Variants in ADD3 observed in about 807,000 individuals in gnomAD.
ADD3 encodes the protein adducin 3, also known as gamma-adducin.
A neutral mutation model predicts 80.2 loss-of-function variants in ADD3; 25 were observed. That is an observed-to-expected ratio of 0.31 (90% CI 0.23 to 0.44). ADD3 has a LOEUF of 0.44. Among genes scored for constraint, ADD3 ranks in the 20% least tolerant of loss-of-function variants. ADD3 has a pLI of 1.00. For synonymous variants in ADD3, 284 were observed against 289.6 expected (o/e 0.98, Z 0.20); for missense variants, 829 against 847.5 (o/e 0.98, Z 0.27).
intron 1 of ADD3, among the ~76,000 whole-genome samples, chr10:110,056,291 A>G (rs942911137): frequency 6.6e-6 from 1 of 152,166 alleles, no homozygotes; most frequent in African/African-American, 2.4e-5. Flanking sequence ...TTCATTTTGC[A>G]TTTGCAGACT....
chr10:110,063,822 A>G (rs1016450620), intron 1 of ADD3, among the ~76,000 whole-genome samples: 6 of 142,228 alleles, frequency 4.2e-5, no homozygotes, highest in African/African-American at 1.3e-4. Flanking sequence ...GTCAAGAACT[A>G]GAATGCTAGC....
intron 1 of ADD3, chr10:110,075,735 G>A (rs1395061588): frequency 6.6e-6 from 1 of 152,158 alleles, no homozygotes; most frequent in African/African-American, 2.4e-5. Context: ...TAGTTTGAGG[G>A]GGGAGATGAG....
chr10:110,018,996 A>G, intron 1 of ADD3, among the ~76,000 whole-genome samples: 1 of 152,204 alleles, frequency 6.6e-6, no homozygotes, highest in East Asian at 1.9e-4. Flanking sequence ...GACTTTAGGA[A>G]TCCTCATCAT....
intron 2 of ADD3, among the ~76,000 whole-genome samples, chr10:110,111,299 G>A (rs557760904): frequency 1.3e-5 from 2 of 152,296 alleles, no homozygotes; most frequent in Non-Finnish European, 2.9e-5. Flanking sequence ...AAGAGCAAGG[G>A]TTAAGTGACT....
At chr10:110,045,226 C>T (rs1040487375) in intron 1 of ADD3, among the ~76,000 whole-genome samples, 14 of 152,162 alleles carry the variant, frequency 9.2e-5, no homozygotes, top group South Asian at 2.1e-4. Flanking sequence ...TGGTGGCGTG[C>T]GCCTGTAGTC....
At chr10:110,091,084 G>A (rs1032050257) in intron 1 of ADD3, among the ~76,000 whole-genome samples, 5 of 152,182 alleles carry the variant, frequency 3.3e-5, no homozygotes, top group African/African-American at 9.7e-5. Flanking sequence ...TTCCACATGT[G>A]TAGGTTTGAT....
chr10:109,997,888 T>C (rs967330904), intron 1 of ADD3, among the ~76,000 whole-genome samples: 1 of 152,194 alleles, frequency 6.6e-6, no homozygotes, highest in Non-Finnish European at 1.5e-5. Context: ...TGGGGGCTGA[T>C]GCTAACTTTT....
At chr10:110,060,839 TG>T (rs138994571) in intron 1 of ADD3, among the ~76,000 whole-genome samples, 1,612 of 152,180 alleles carry the variant, frequency 0.011, 31 homozygotes, top group African/African-American at 0.038. Context: ...CTATAGGAGG[TG>T]GATTCCAATT....
rs770803143 is a variant in ADD3 at position 110,119,204 on chromosome 10, C to G, written c.718-7C>G. On this transcript the variant is annotated splice_region_variant and splice_polypyrimidine_tract_variant and intron_variant, in intron 6 of 14. Transcript: ENST00000356080. ...TGTGTTATCTTGGTATGGGCCAAAC[C>G]AAATAGGTATCCTCCATGAAATGTG... The G allele has an allele frequency of 6.2e-7, 1 of 1,613,808 alleles. No homozygotes were observed. The highest frequency in any genetic ancestry group is 8.5e-7 in the Non-Finnish European group (1 of 1,179,850).
At chr10:110,003,468 A>G (rs919552954), upstream of ADD3, among the ~76,000 whole-genome samples, 2 of 150,842 alleles carry the variant, frequency 1.3e-5, no homozygotes, top group Non-Finnish European at 2.9e-5. Flanking sequence ...AATACCTTAT[A>G]TTTACATAGT....
At chr10:110,057,271 A>G (rs916275091) in intron 1 of ADD3, among the ~76,000 whole-genome samples, 1 of 152,226 alleles carries the variant, frequency 6.6e-6, no homozygotes, top group African/African-American at 2.4e-5. Flanking sequence ...AATAGTTGCC[A>G]GTAATTTTTC....
intron 1 of ADD3, among the ~76,000 whole-genome samples, chr10:110,070,342 C>A (rs966418922): frequency 1.3e-5 from 2 of 151,888 alleles, no homozygotes; most frequent in African/African-American, 4.8e-5. Flanking sequence ...TCACTTGTAG[C>A]ATGTAATAGT....
At chr10:110,016,018 A>G (rs1852949834) in intron 1 of ADD3, among the ~76,000 whole-genome samples, 3 of 152,358 alleles carry the variant, frequency 2.0e-5, no homozygotes, top group South Asian at 4.1e-4. Context: ...TTGATGTCTT[A>G]TAATCTAAAC....
chr10:110,066,431 C>G (rs1843964487), intron 1 of ADD3, among the ~76,000 whole-genome samples: 1 of 152,050 alleles, frequency 6.6e-6, no homozygotes, highest in South Asian at 2.1e-4. Flanking sequence ...GAGACAGTTT[C>G]ACTGTGTTAG....
At chr10:110,085,373 A>T (rs541753819) in intron 1 of ADD3, among the ~76,000 whole-genome samples, 34 of 151,998 alleles carry the variant, frequency 2.2e-4, no homozygotes, top group African/African-American at 7.7e-4. Flanking sequence ...TTTGGTGAAT[A>T]CCCAGGGGAT....
At chr10:110,101,841 C>G (rs2055249530) in intron 2 of ADD3, among the ~76,000 whole-genome samples, 1 of 150,432 alleles carries the variant, frequency 6.6e-6, no homozygotes, top group Admixed American at 6.6e-5. Context: ...ATCATGCACC[C>G]CTAAGACAGA....
intron 1 of ADD3, among the ~76,000 whole-genome samples, chr10:110,010,164 C>T (rs1852172297): frequency 6.6e-6 from 1 of 152,044 alleles, no homozygotes; most frequent in Admixed American, 6.5e-5. Context: ...ACATCAGCAA[C>T]AGCCCAACTC....
At chr10:110,104,296 TC>T (rs1261906207) in intron 2 of ADD3, among the ~76,000 whole-genome samples, 1 of 152,218 alleles carries the variant, frequency 6.6e-6, no homozygotes, top group Non-Finnish European at 1.5e-5. Context: ...GGACTGAACC[TC>T]CCTGGTGCTT....
rs1217733559 is a variant in ADD3, at chr10:110,065,539, C to CTTT, written c.-29-35070_-29-35068dup. Among the ~76,000 whole-genome samples, 143 of 31,182 alleles carry CTTT rather than the reference C, an allele frequency of 4.6e-3. 40 individuals carry two copies. Among genetic ancestry groups the CTTT allele is most frequent in the Admixed American group, 0.033 (55 of 1,684 alleles). 20.5% of individuals were successfully genotyped at this position (31,182 alleles called of 152,430 possible). A position where few individuals can be genotyped will look rare whatever the true frequency, so the allele number is the denominator to read the frequency against. On this transcript the variant is annotated intron_variant, in intron 1 of 14. Transcript: ENST00000356080. ...TTTTTTCTTAGCCTCTCTCTCTCCC[C>CTTT]TTTTTTTTTTTTTTTTTTGAGAAAG... is the stretch of plus-strand genomic sequence containing the variant.
Sources: allele counts gnomAD v4.1 joint callset (sites outside exome capture counted in the v4.1 genomes callset), GRCh38; gene constraint gnomAD v4.1.1; transcripts MANE v1.5; gene names NCBI Gene and HGNC (gene_info 2026-07-23, HGNC 2026-07-21).